Variants in NHSL1 observed in about 807,000 individuals in gnomAD.
The protein encoded by NHSL1 is NHS-like protein 1.
In NHSL1, 48 loss-of-function variants were observed where a neutral mutation model predicts 95.0. The ratio of observed to expected loss-of-function variants is 0.51; its 90% CI spans 0.40 to 0.64. The LOEUF (loss-of-function observed/expected upper bound fraction) is 0.64, where lower values mean the gene tolerates loss of function less well. NHSL1 is among the 30% of genes least tolerant of loss of function. NHSL1 has a pLI of 0.00. For synonymous variants in NHSL1, 783 were observed against 833.9 expected (o/e 0.94, Z 1.05); for missense variants, 1,971 against 2,077.7 (o/e 0.95, Z 1.00).
chr6:138,477,474 G>T (rs1373651449), intron 2 of NHSL1, among the ~76,000 whole-genome samples: 1 of 152,124 alleles, frequency 6.6e-6, no homozygotes, highest in Non-Finnish European at 1.5e-5. Flanking sequence ...ATGGTGGCAT[G>T]TGCCTGTAGT....
chr6:138,690,500 G>A (rs1241626584), intron 1 of NHSL1, among the ~76,000 whole-genome samples: 1 of 151,556 alleles, frequency 6.6e-6, no homozygotes, highest in African/African-American at 2.4e-5. Flanking sequence ...CAGCACTTTG[G>A]GAGGTCGAGG....
At chr6:138,564,547 T>A (rs1195415683) in intron 1 of NHSL1, among the ~76,000 whole-genome samples, 1 of 152,114 alleles carries the variant, frequency 6.6e-6, no homozygotes, top group Admixed American at 6.5e-5. Context: ...CAGAAAGTAT[T>A]TGCTTAGCAC....
At position 138,663,353 on chromosome 6, in the gene NHSL1, G is replaced by A. The variant is rs1295880859; in HGVS notation, c.96+29123C>T. ...AGGCAGGCAGATCACCTTAGATCGG[G>A]AGTTCGAGACCAGCCTGATCAACAT... On this transcript the variant is annotated intron_variant, in intron 1 of 3. Coordinates refer to the NHSL1 transcript ENST00000491526. Among the ~76,000 whole-genome samples the A allele has an allele frequency of 2.0e-5, 3 of 152,014 alleles. No individual in the cohort carries two copies. The East Asian group carries it at 5.8e-4, about 29-fold the overall frequency.
At chr6:138,674,380 T>C (rs1785420757) in intron 1 of NHSL1, among the ~76,000 whole-genome samples, 1 of 152,180 alleles carries the variant, frequency 6.6e-6, no homozygotes, top group Admixed American at 6.5e-5. Context: ...TAGGTAAGCA[T>C]GTGCCATGGT....
chr6:138,556,704 C>A (rs1447039820), intron 1 of NHSL1, among the ~76,000 whole-genome samples: 1 of 151,800 alleles, frequency 6.6e-6, no homozygotes, highest in African/African-American at 2.4e-5. Context: ...GCTTTTTCAG[C>A]CACATTTTAT....
chr6:138,645,207 A>G (rs560102411), intron 1 of NHSL1, among the ~76,000 whole-genome samples: 2 of 152,352 alleles, frequency 1.3e-5, no homozygotes, highest in African/African-American at 4.8e-5. Context: ...AATAAGGTCC[A>G]TAAACACCAG....
intron 2 of NHSL1, among the ~76,000 whole-genome samples, chr6:138,492,375 G>A (rs1780130817): frequency 6.6e-6 from 1 of 152,166 alleles, no homozygotes; most frequent in African/African-American, 2.4e-5. Flanking sequence ...GCTTGCAGTA[G>A]CAAACCTCAA....
At chr6:138,618,283 G>A (rs1174796726) in intron 1 of NHSL1, among the ~76,000 whole-genome samples, 1 of 152,138 alleles carries the variant, frequency 6.6e-6, no homozygotes, top group Non-Finnish European at 1.5e-5. Context: ...TGATTAAGTA[G>A]GACAAGAATG....
intron 1 of NHSL1, among the ~76,000 whole-genome samples, chr6:138,516,573 G>A (rs1008377659): frequency 2.6e-5 from 4 of 151,924 alleles, no homozygotes; most frequent in African/African-American, 9.7e-5. Context: ...AGCAATGGTT[G>A]AACATCAAAG....
intron 1 of NHSL1, among the ~76,000 whole-genome samples, chr6:138,623,431 G>A (rs1037317583): frequency 1.3e-5 from 2 of 151,972 alleles, no homozygotes; most frequent in South Asian, 2.1e-4. Flanking sequence ...ATATATTTAT[G>A]GTGTACAACA....
At chr6:138,645,150 T>C (rs972574661) in intron 1 of NHSL1, among the ~76,000 whole-genome samples, 4 of 152,234 alleles carry the variant, frequency 2.6e-5, no homozygotes, top group African/African-American at 9.6e-5. Context: ...AGTGTTATTG[T>C]ATGATTTGAT....
At chr6:138,436,071 T>TA (rs1178667598) in intron 5 of NHSL1, among the ~76,000 whole-genome samples, 2 of 152,132 alleles carry the variant, frequency 1.3e-5, no homozygotes, top group Non-Finnish European at 2.9e-5. Context: ...TTCCCTGAGA[T>TA]ACAACAATAA....
chr6:138,619,613 T>G (rs1042566326), intron 1 of NHSL1, among the ~76,000 whole-genome samples: 7 of 152,094 alleles, frequency 4.6e-5, no homozygotes, highest in Non-Finnish European at 1.0e-4. Context: ...AATAGTACAT[T>G]CTCCGTGGTG....
In NHSL1 at chr6:138,581,418, G is replaced by A. The variant is rs559185314; in HGVS notation, c.97-85047C>T. On this transcript the variant is annotated intron_variant, in intron 1 of 3. Transcript: ENST00000491526. ...AGAGAAATTTTTCACAGGCCTGAGC[G>A]CGGTGGCTCACACCTGTAATCCCAG... Among the ~76,000 whole-genome samples the A allele has an allele frequency of 7.2e-5, 11 of 152,044 alleles. 1 individual carries two copies. Among genetic ancestry groups the A allele is most frequent in the Admixed American group, 3.3e-4 (5 of 15,262 alleles).
Position 138,430,825 on chromosome 6 carries a change from C to A in NHSL1, c.3520G>T (p.Ala1174Ser), listed in dbSNP as rs1368400295. The change falls in exon 6 of 8, where the codon GCT (alanine) becomes TCT (serine). Residue 1174 changes from alanine (A) to serine (S), a missense_variant. By Grantham distance (99) the Ala-to-Ser change is moderately conservative. Around this residue, in one of 3 missense-constraint regions of NHSL1, gnomAD observed 1,602 missense variants for 1,654.5 expected, o/e 0.97. Transcript: ENST00000343505. The surrounding 1 kb of genome is among the most constrained non-coding windows in gnomAD (Gnocchi z 4.7). Reference protein sequence around the residue: ...PGAPSAGEAEARPSPSTTPLP... With the variant: ...PGAPSAGEAESRPSPSTTPLP... ...GGGGTGGTGCTGGGGCTGGGCCGAG[C>A]CTCTGCCTCCCCAGCGCTTGGAGCT... 1 of 1,550,726 alleles carries A rather than the reference C, an allele frequency of 6.4e-7. No individual in the cohort carries two copies. The highest frequency in any genetic ancestry group is 1.4e-5 in the African/African-American group (1 of 73,024).
At chr6:138,594,206 A>C (rs1283502513) in intron 1 of NHSL1, among the ~76,000 whole-genome samples, 2 of 152,150 alleles carry the variant, frequency 1.3e-5, no homozygotes, top group Non-Finnish European at 1.5e-5. Context: ...GCAACAGAGA[A>C]AGGGTTTGGC....
chr6:138,427,721 G>A (rs1280785198), intron 7 of NHSL1, among the ~76,000 whole-genome samples: 1 of 152,100 alleles, frequency 6.6e-6, no homozygotes, highest in Non-Finnish European at 1.5e-5. Context: ...AATCTGAAGC[G>A]AATTAATTTG....
At chr6:138,539,034 CA>C in intron 1 of NHSL1, among the ~76,000 whole-genome samples, 1 of 152,000 alleles carries the variant, frequency 6.6e-6, no homozygotes, top group East Asian at 1.9e-4. Context: ...GTAACAACAA[CA>C]AAAAAAGTTC....
chr6:138,532,696 T>C (rs193178174), intron 1 of NHSL1, among the ~76,000 whole-genome samples: 11 of 152,260 alleles, frequency 7.2e-5, no homozygotes, highest in Admixed American at 7.2e-4. Context: ...AGTAGTTAGG[T>C]GGCTTATTCT....
Sources: allele counts gnomAD v4.1 joint callset (sites outside exome capture counted in the v4.1 genomes callset), GRCh38; gene constraint gnomAD v4.1.1; regional missense constraint gnomAD v4.1.1; non-coding constraint Gnocchi (gnomAD v3.1); transcripts MANE v1.5; gene names NCBI Gene and HGNC (gene_info 2026-07-23, HGNC 2026-07-21).